TEAD1: variants seen among roughly 807,000 people sequenced by gnomAD.
The protein encoded by TEAD1 is TEA domain transcription factor 1, also known as transcriptional enhancer factor TEF-1.
In TEAD1, 9 loss-of-function variants were observed where a neutral mutation model predicts 54.9. That is an observed-to-expected ratio of 0.16 (90% CI 0.10 to 0.29). The LOEUF is 0.29. Among genes scored for constraint, TEAD1 ranks in the 10% least tolerant of loss-of-function variants. The pLI, the probability that TEAD1 is intolerant of heterozygous loss-of-function variation, is 1.00. For missense variants in TEAD1, 387 were observed against 535.9 expected (o/e 0.72, Z 2.74); for synonymous variants, 200 against 187.8 (o/e 1.07, Z -0.53).
chr11:12,680,806 G>T (rs1442121739), intron 2 of TEAD1, among the ~76,000 whole-genome samples: 1 of 152,204 alleles, frequency 6.6e-6, no homozygotes, highest in African/African-American at 2.4e-5. Flanking sequence ...CTGGGTTTCT[G>T]TCTGATGGTG....
At chr11:12,893,516 G>GAC (rs893542263) in intron 9 of TEAD1, among the ~76,000 whole-genome samples, 4 of 152,208 alleles carry the variant, frequency 2.6e-5, no homozygotes, top group Non-Finnish European at 5.9e-5. Flanking sequence ...GGGTTCTATA[G>GAC]ACATTTCACA....
At chr11:12,874,046 T>C (rs887247147) in intron 5 of TEAD1, among the ~76,000 whole-genome samples, 24 of 152,244 alleles carry the variant, frequency 1.6e-4, no homozygotes, top group Non-Finnish European at 3.4e-4. Context: ...ACGTATTTGA[T>C]GGACTTCTAT....
Position 12,943,219 on chromosome 11 carries a change from A to T in TEAD1, c.*5997A>T, listed in dbSNP as rs759150781. 6 of 152,360 alleles carry T rather than the reference A, an allele frequency of 3.9e-5. No individual in the cohort carries two copies. The highest frequency in any genetic ancestry group is 8.8e-5 in the Non-Finnish European group (6 of 68,038). 9.4% of individuals were successfully genotyped at this position (152,360 alleles called of 1,614,324 possible). ...AACAAAAACTATCAAATGAAAAGAA[A>T]ATGTACTCAACCTAACTTATAGTTA... is the stretch of plus-strand genomic sequence containing the variant. On this transcript the variant is annotated 3_prime_UTR_variant, in exon 13 of 13. Coordinates refer to ENST00000527636, the MANE Select transcript of TEAD1 (RefSeq NM_021961.6).
chr11:12,857,511 TAGCTTTATTGAA>T (rs1181402938), intron 3 of TEAD1, among the ~76,000 whole-genome samples: 1 of 151,976 alleles, frequency 6.6e-6, no homozygotes, highest in African/African-American at 2.4e-5. Context: ...AACTTAAAGT[TAGCTTTATTGAA>T]AGTCATTTTT....
chr11:12,692,505 C>T (rs865842091), intron 2 of TEAD1, among the ~76,000 whole-genome samples: 9 of 152,038 alleles, frequency 5.9e-5, no homozygotes, highest in African/African-American at 1.9e-4. Context: ...CACCCACCAC[C>T]CCGGCTTTTT....
chr11:12,761,217 A>T (rs9888259), intron 2 of TEAD1, among the ~76,000 whole-genome samples: 5,195 of 152,330 alleles, frequency 0.034, 321 homozygotes, highest in African/African-American at 0.12. Flanking sequence ...TATAGAAATA[A>T]TAAGAAGAGG....
chr11:12,843,175 G>A (rs957490013), intron 3 of TEAD1, among the ~76,000 whole-genome samples: 1 of 152,136 alleles, frequency 6.6e-6, no homozygotes, highest in Admixed American at 6.5e-5. Flanking sequence ...CCCTTTCTTG[G>A]TCTTGGGAGG....
chr11:12,869,070 G>T (rs150806046), intron 5 of TEAD1, among the ~76,000 whole-genome samples: 90 of 152,316 alleles, frequency 5.9e-4, no homozygotes, highest in Non-Finnish European at 1.1e-3. Flanking sequence ...TGTAATTGGG[G>T]ACATGCGGTG....
At chr11:12,721,872 A>G (rs1944207831) in intron 2 of TEAD1, among the ~76,000 whole-genome samples, 1 of 152,206 alleles carries the variant, frequency 6.6e-6, no homozygotes, top group Non-Finnish European at 1.5e-5. Flanking sequence ...CAGTGGACGT[A>G]TGAGTTTGAG....
intron 3 of TEAD1, among the ~76,000 whole-genome samples, chr11:12,796,391 A>T (rs1022863445): frequency 2.6e-5 from 4 of 152,186 alleles, no homozygotes; most frequent in African/African-American, 9.6e-5. Context: ...TTTGGGGTAC[A>T]AGGAAGAGTT....
chr11:12,774,871 T>C lies in TEAD1; in HGVS notation c.202+10437T>C, dbSNP rs376486143. ...AGATGAGAGCAATAGACACGGGGCC[T>C]GATGGAGGGTAGGAGGAGGGAGAGG... On this transcript the variant is annotated intron_variant, in intron 3 of 12. Transcript: ENST00000527636. Among the ~76,000 whole-genome samples, 16 of 151,710 alleles carry C rather than the reference T, an allele frequency of 1.1e-4. 1 individual carries two copies. The East Asian group carries it at 1.4e-3, about 13-fold the overall frequency.
At chr11:12,892,681 C>T (rs1388289026) in intron 9 of TEAD1, among the ~76,000 whole-genome samples, 1 of 152,046 alleles carries the variant, frequency 6.6e-6, no homozygotes, top group African/African-American at 2.4e-5. Context: ...GAAGCAGCAG[C>T]AGTAAGGTTT....
At chr11:12,763,796 G>A (rs966028888) in intron 2 of TEAD1, among the ~76,000 whole-genome samples, 13 of 152,282 alleles carry the variant, frequency 8.5e-5, no homozygotes, top group Admixed American at 2.0e-4. Flanking sequence ...AATGGTTTTC[G>A]TATGAATCAC....
intron 3 of TEAD1, among the ~76,000 whole-genome samples, chr11:12,814,861 G>C (rs570489080): frequency 6.6e-6 from 1 of 151,504 alleles, no homozygotes; most frequent in Non-Finnish European, 1.5e-5. Flanking sequence ...CCCGAGCTGT[G>C]TGTGTGTGTC....
At chr11:12,786,658 G>A (rs1945682958) in intron 3 of TEAD1, among the ~76,000 whole-genome samples, 1 of 152,174 alleles carries the variant, frequency 6.6e-6, no homozygotes, top group African/African-American at 2.4e-5. Flanking sequence ...CTTATTGAGT[G>A]CCAAGGATAT....
At chr11:12,892,388 C>G (rs1487958805) in intron 9 of TEAD1, among the ~76,000 whole-genome samples, 3 of 152,118 alleles carry the variant, frequency 2.0e-5, no homozygotes, top group Non-Finnish European at 4.4e-5. Context: ...GCCTGTAAAC[C>G]CAGCACTTTG....
At position 12,862,006 on chromosome 11, in the gene TEAD1, T is replaced by A. The variant is rs11604902; in HGVS notation, c.203-244T>A. ...TGTCTTTTTTTTTTTTTTTTTTTTT[T>A]AAAAAAAAGGATAAATTTCTATTCT... is the stretch of plus-strand genomic sequence containing the variant. On this transcript the variant is annotated intron_variant, in intron 3 of 12. Transcript: ENST00000527636. Among the ~76,000 whole-genome samples the A allele has an allele frequency of 0.024, 3,189 of 133,404 alleles. 60 individuals are homozygous for A. Among genetic ancestry groups the A allele is most frequent in the South Asian group, 0.039 (162 of 4,152 alleles). 87.5% of individuals were successfully genotyped at this position (133,404 alleles called of 152,430 possible).
At chr11:12,760,203 T>C (rs1438427511) in intron 2 of TEAD1, among the ~76,000 whole-genome samples, 1 of 152,220 alleles carries the variant, frequency 6.6e-6, no homozygotes, top group Non-Finnish European at 1.5e-5. Flanking sequence ...TGAACATCTG[T>C]TCATAGTTTT....
chr11:12,814,777 CTGTGTGTGTG>C (rs397842274), intron 3 of TEAD1, among the ~76,000 whole-genome samples: 3,962 of 105,782 alleles, frequency 0.037, 109 homozygotes, highest in Middle Eastern at 0.065. Flanking sequence ...TCGCAGAGCT[CTGTGTGTGTG>C]TGTGTGTGTG....
Sources: allele counts gnomAD v4.1 joint callset (sites outside exome capture counted in the v4.1 genomes callset), GRCh38; gene constraint gnomAD v4.1.1; transcripts MANE v1.5; gene names NCBI Gene and HGNC (gene_info 2026-07-23, HGNC 2026-07-21).